PCDHA5: variants seen among roughly 807,000 people sequenced by gnomAD.
PCDHA5 encodes protocadherin alpha-5.
PCDHA5 carries 43 observed loss-of-function variants against 61.6 expected under a neutral mutation model. The ratio of observed to expected loss-of-function variants is 0.70; its 90% CI spans 0.55 to 0.90. The LOEUF (loss-of-function observed/expected upper bound fraction) is 0.90. PCDHA5 is among the 40% of genes least tolerant of loss of function. PCDHA5 has a pLI of 0.00. For synonymous variants in PCDHA5, 627 were observed against 543.9 expected, an observed-to-expected ratio of 1.15 and a Z score of -2.13; for missense variants, 1,298 against 1,222.7, an observed-to-expected ratio of 1.06 and a Z score of -0.92.
chr5:140,856,809 A>G lies in PCDHA5; in HGVS notation c.2352+32682A>G, dbSNP rs782118456. 11 of 1,594,544 alleles carry G rather than the reference A, an allele frequency of 6.9e-6. No homozygotes were observed. The African/African-American group carries it at 1.3e-4, about 20-fold the overall frequency. ...TATGAAGTTAAGATGTATGAAAATCAAGTGAACCAAACATTAGTAATACGG... is the reference window on the plus strand; with the variant it reads ...TATGAAGTTAAGATGTATGAAAATCGAGTGAACCAAACATTAGTAATACGG... On this transcript the variant is annotated intron_variant, in intron 1 of 3. Coordinates refer to ENST00000529859, the MANE Select transcript of PCDHA5 (RefSeq NM_018908.3).
At chr5:140,990,778 T>C (rs2097414170) in intron 3 of PCDHA5, among the ~76,000 whole-genome samples, 1 of 152,208 alleles carries the variant, frequency 6.6e-6, no homozygotes, top group South Asian at 2.1e-4. Flanking sequence ...GGCTCTGTGT[T>C]GGACGATGAA....
In PCDHA5 at chr5:140,823,010, T is replaced by C. The variant is rs1289602070; in HGVS notation, c.1235T>C (p.Leu412Pro). The C allele has an allele frequency of 1.2e-5, 20 of 1,614,120 alleles. No homozygotes were observed. Among genetic ancestry groups the C allele is most frequent in the Non-Finnish European group, 1.6e-5 (19 of 1,180,052 alleles). The change falls in exon 1 of 4, where the codon CTG becomes CCG. Residue 412 changes from leucine to proline, a missense_variant. Physicochemically the swap from Leu to Pro is moderately conservative, Grantham distance 98. Coordinates refer to ENST00000529859, the MANE Select transcript of PCDHA5 (RefSeq NM_018908.3). ...TACTCGTTGGTGCTGGACAGCGCCC[T>C]GGACCGCGAGAGCGTGTCGGTCTAT... is the stretch of plus-strand genomic sequence containing the variant. The part of the protein sequence containing the change: ...NYYSLVLDSA[L>P]DRESVSVYEL...
chr5:141,011,997 A>G lies in PCDHA5; in HGVS notation c.*2060A>G, dbSNP rs2098422641. ...TGTCTACTTTTAGCTTCATTCTCCCATATTTTGAAGGGTGTGTAACTTCAG... is the reference window on the plus strand; with the variant it reads ...TGTCTACTTTTAGCTTCATTCTCCCGTATTTTGAAGGGTGTGTAACTTCAG... On this transcript the variant is annotated 3_prime_UTR_variant, in exon 4 of 4. Coordinates refer to ENST00000529859, the MANE Select transcript of PCDHA5 (RefSeq NM_018908.3). 1 of 153,712 alleles carries G rather than the reference A, an allele frequency of 6.5e-6. No homozygotes were observed. Among genetic ancestry groups the G allele is most frequent in the Non-Finnish European group, 1.5e-5 (1 of 68,034 alleles). 9.5% of individuals were successfully genotyped at this position (153,712 alleles called of 1,614,324 possible).
At position 140,856,153 on chromosome 5, in the gene PCDHA5, C is replaced by G. The variant is rs1554148270; in HGVS notation, c.2352+32026C>G. 8 of 1,598,310 alleles carry G rather than the reference C, an allele frequency of 5.0e-6. 1 individual carries two copies. Among genetic ancestry groups the G allele is most frequent in the Non-Finnish European group, 6.9e-6 (8 of 1,167,862 alleles). On this transcript the variant is annotated intron_variant, in intron 1 of 3. Transcript: ENST00000529859. The stretch of plus-strand genomic sequence containing the variant: ...GCGGCCAGCTCCACTACTCAGTCTA[C>G]GAGGAGGCCAGACACGGCACCTTCG...
intron 3 of PCDHA5, among the ~76,000 whole-genome samples, chr5:140,983,265 T>C (rs553920702): frequency 6.6e-6 from 1 of 152,200 alleles, no homozygotes; most frequent in Non-Finnish European, 1.5e-5. Flanking sequence ...AAAAACCTAA[T>C]GGCTGGGTGA....
At chr5:140,946,875 G>C (rs1283632599) in intron 1 of PCDHA5, among the ~76,000 whole-genome samples, 2 of 151,288 alleles carry the variant, frequency 1.3e-5, no homozygotes, top group Non-Finnish European at 3.0e-5. Context: ...TGGTCAATGG[G>C]TACGAAGTTA....
At chr5:140,875,342 A>G in intron 1 of PCDHA5, 1 of 1,443,152 alleles carries the variant, frequency 6.9e-7, no homozygotes, top group South Asian at 1.5e-5. Flanking sequence ...GATCGACTCC[A>G]TAATGACTGT....
chr5:140,957,407 A>G lies in PCDHA5; in HGVS notation c.2353-21542A>G, dbSNP rs570373783. On this transcript the variant is annotated intron_variant, in intron 1 of 3. Coordinates refer to ENST00000529859, the MANE Select transcript of PCDHA5 (RefSeq NM_018908.3). ...GTTATAATTGTCCTAATTTATTATT[A>G]TTGTTGTTAATCTTTTACTGTGCCT... Among the ~76,000 whole-genome samples, 13 of 152,274 alleles carry G rather than the reference A, an allele frequency of 8.5e-5. No homozygotes were observed. The South Asian group carries it at 2.7e-3, about 32-fold the overall frequency.
chr5:140,931,215 CAG>C (rs2087377353), intron 1 of PCDHA5, among the ~76,000 whole-genome samples: 1 of 152,106 alleles, frequency 6.6e-6, no homozygotes, highest in East Asian at 1.9e-4. Flanking sequence ...TTTCAGGTAT[CAG>C]AGCACTTAAT....
At chr5:140,827,018 T>C (rs1218420283) in intron 1 of PCDHA5, among the ~76,000 whole-genome samples, 1 of 152,184 alleles carries the variant, frequency 6.6e-6, no homozygotes, top group Non-Finnish European at 1.5e-5. Context: ...TCATTAAAAA[T>C]ATGAATTTAA....
intron 1 of PCDHA5, among the ~76,000 whole-genome samples, chr5:140,898,096 G>T (rs2066523889): frequency 6.6e-6 from 1 of 152,034 alleles, no homozygotes; most frequent in South Asian, 2.1e-4. Context: ...TTAGCCCTTT[G>T]TCAGATGAGT....
intron 1 of PCDHA5, chr5:140,871,327 C>A: frequency 6.2e-7 from 1 of 1,614,102 alleles, no homozygotes; most frequent in Non-Finnish European, 8.5e-7. Flanking sequence ...GGTGTGCTCC[C>A]GCGCGGTGGG....
chr5:140,995,654 A>C (rs1183016354), intron 3 of PCDHA5, among the ~76,000 whole-genome samples: 2 of 152,184 alleles, frequency 1.3e-5, no homozygotes, highest in Non-Finnish European at 1.5e-5. Flanking sequence ...AGGAGAATCG[A>C]AAAGGGAAGT....
chr5:140,865,536 A>G (rs2048910301), intron 1 of PCDHA5: 1 of 152,222 alleles, frequency 6.6e-6, no homozygotes, highest in African/African-American at 2.4e-5. Flanking sequence ...CTTCATCCAT[A>G]GCTATAGGAC....
At chr5:140,864,698 T>A (rs2048569561) in intron 1 of PCDHA5, 1 of 152,250 alleles carries the variant, frequency 6.6e-6, no homozygotes, top group African/African-American at 2.4e-5. Flanking sequence ...CCAGTTTAAG[T>A]TGTTGAGCTC....
At chr5:141,001,025 TA>T (rs1300694860) in intron 3 of PCDHA5, among the ~76,000 whole-genome samples, 1 of 152,246 alleles carries the variant, frequency 6.6e-6, no homozygotes, top group African/African-American at 2.4e-5. Context: ...ACACTTATAA[TA>T]ATAGCTTTAA....
intron 1 of PCDHA5, chr5:140,857,774 G>T: frequency 6.3e-7 from 1 of 1,597,758 alleles, no homozygotes; most frequent in Non-Finnish European, 8.6e-7. Flanking sequence ...GGGCGGTGCA[G>T]TCAGTGAGCT....
intron 1 of PCDHA5, chr5:140,843,599 T>G: frequency 6.3e-7 from 1 of 1,595,978 alleles, no homozygotes; most frequent in South Asian, 1.1e-5. Flanking sequence ...GAGGGTGTGC[T>G]CTGGTGAGGG....
intron 1 of PCDHA5, among the ~76,000 whole-genome samples, chr5:140,972,812 C>T (rs782305867): frequency 5.3e-5 from 8 of 151,914 alleles, no homozygotes; most frequent in East Asian, 3.9e-4. Context: ...TACAGGCACG[C>T]GCCACCACGC....
Sources: allele counts gnomAD v4.1 joint callset (sites outside exome capture counted in the v4.1 genomes callset), GRCh38; gene constraint gnomAD v4.1.1; transcripts MANE v1.5; gene names NCBI Gene and HGNC (gene_info 2026-07-23, HGNC 2026-07-21).